Variants in ULK4 observed in about 807,000 individuals in gnomAD.
ULK4 encodes unc-51 like kinase 4, also known as inactive serine/threonine-protein kinase ULK4.
Under a neutral mutation model 160.6 loss-of-function variants are expected in ULK4, and 133 were observed. That is an observed-to-expected ratio of 0.83 (90% CI 0.72 to 0.96). ULK4 has a LOEUF of 0.96. Ranked by LOEUF, ULK4 falls within the 40% of genes least tolerant of loss-of-function variation. ULK4 has a pLI of 0.00. For synonymous variants in ULK4, 534 were observed against 539.8 expected (o/e 0.99, Z 0.15); for missense variants, 1,580 against 1,499.5 (o/e 1.05, Z -0.89).
At chr3:41,443,985 C>T (rs993794184) in intron 34 of ULK4, among the ~76,000 whole-genome samples, 4 of 151,962 alleles carry the variant, frequency 2.6e-5, no homozygotes, top group Middle Eastern at 3.4e-3. Flanking sequence ...GTTTTCAGTA[C>T]TAAAAATAAT....
rs566025486 is a variant in ULK4, at chr3:41,749,399, C to T, written c.2321+4962G>A. Reference sequence around the variant, plus strand: ...TCAGGAGGCTGAGGCAGGAGAATCACTTGAATCTGGGAGGCAGAGGCTGCA... The same window carrying T: ...TCAGGAGGCTGAGGCAGGAGAATCATTTGAATCTGGGAGGCAGAGGCTGCA... On this transcript the variant is annotated intron_variant, in intron 22 of 36. Transcript: ENST00000301831. 3.3e-5 allele frequency among the ~76,000 whole-genome samples: 5 copies of T among 152,200 alleles called. No individual in the cohort carries two copies. The South Asian group carries it at 6.2e-4, about 19-fold the overall frequency.
intron 35 of ULK4, among the ~76,000 whole-genome samples, chr3:41,371,034 T>A (rs1403378654): frequency 6.6e-6 from 1 of 152,140 alleles, no homozygotes; most frequent in Non-Finnish European, 1.5e-5. Context: ...GCCTGGAAGT[T>A]TGAACTGGGC....
At chr3:41,626,829 A>C (rs1292139441) in intron 30 of ULK4, among the ~76,000 whole-genome samples, 1 of 152,138 alleles carries the variant, frequency 6.6e-6, no homozygotes, top group African/African-American at 2.4e-5. Context: ...CCTGGCCAAA[A>C]GTACACTTGC....
At chr3:41,916,137 A>C in intron 7 of ULK4, 85 bp from the exon 8 acceptor site, 1 of 839,194 alleles carries the variant, frequency 1.2e-6, no homozygotes, top group South Asian at 1.8e-5. Context: ...CAACATTTAA[A>C]GCAATAGTAT....
intron 17 of ULK4, among the ~76,000 whole-genome samples, chr3:41,844,841 C>T (rs1373692334): frequency 2.0e-5 from 3 of 151,686 alleles, no homozygotes; most frequent in Non-Finnish European, 2.9e-5. Context: ...TACCACAGGA[C>T]CCAGCAATTG....
At chr3:41,502,568 A>G (rs532251346) in intron 32 of ULK4, among the ~76,000 whole-genome samples, 25 of 152,370 alleles carry the variant, frequency 1.6e-4, no homozygotes, top group African/African-American at 5.8e-4. Context: ...CAGCTGGGAA[A>G]TTAATAAACA....
At chr3:41,569,620 A>G (rs1249812683) in intron 31 of ULK4, among the ~76,000 whole-genome samples, 3 of 152,166 alleles carry the variant, frequency 2.0e-5, no homozygotes, top group African/African-American at 7.2e-5. Flanking sequence ...ACATATTGTA[A>G]TAAAATCCTA....
At chr3:41,371,650 T>C (rs9844399) in intron 35 of ULK4, among the ~76,000 whole-genome samples, 40,874 of 152,006 alleles carry the variant, frequency 0.27, 5,748 homozygotes, top group Middle Eastern at 0.36. Context: ...AGGTCACCAA[T>C]AGCAAAGACC....
intron 22 of ULK4, among the ~76,000 whole-genome samples, chr3:41,732,660 A>C (rs6770933): frequency 6.6e-6 from 1 of 152,096 alleles, no homozygotes; most frequent in Admixed American, 6.5e-5. Flanking sequence ...AAAGGAATAC[A>C]TGCACTCCCA....
chr3:41,455,514 T>C lies in ULK4; in HGVS notation c.3475A>G (p.Ser1159Gly). 1 of 1,614,040 alleles carries C rather than the reference T, an allele frequency of 6.2e-7. No homozygotes were observed. ...GCTCTTACCAGTGGAATGAGCAGGC[T>C]AATCAGGTCTGTCAGAGGTCTGTTG... Reference protein sequence around the residue: ...LLNRPLTDLISLLIPLLPNED... With the variant: ...LLNRPLTDLIGLLIPLLPNED... Residue 1159 changes from serine (S) to glycine (G), a missense_variant, in exon 34 of 37, where the codon AGC becomes GGC. Transcript: ENST00000301831.
At chr3:41,660,388 A>T (rs2125756466) in intron 30 of ULK4, among the ~76,000 whole-genome samples, 1 of 152,358 alleles carries the variant, frequency 6.6e-6, no homozygotes, top group East Asian at 1.9e-4. Flanking sequence ...CCATAGGGGA[A>T]GATGAGGAAA....
chr3:41,443,578 C>T (rs1017546851), intron 34 of ULK4, among the ~76,000 whole-genome samples: 1 of 152,104 alleles, frequency 6.6e-6, no homozygotes, highest in Middle Eastern at 3.4e-3. Context: ...TAATTACTTC[C>T]AGTTAACATA....
chr3:41,947,532 C>T (rs1190552450), intron 2 of ULK4, among the ~76,000 whole-genome samples: 1 of 152,134 alleles, frequency 6.6e-6, no homozygotes, highest in Non-Finnish European at 1.5e-5. Flanking sequence ...GCATTGGTAC[C>T]ATGATCCAAC....
intron 21 of ULK4, among the ~76,000 whole-genome samples, chr3:41,773,640 T>C (rs1164146512): frequency 2.6e-5 from 4 of 152,126 alleles, no homozygotes; most frequent in Non-Finnish European, 5.9e-5. Context: ...AAAAGGGCCA[T>C]ACTGCCCAAG....
intron 30 of ULK4, among the ~76,000 whole-genome samples, chr3:41,630,706 C>G (rs1001576889): frequency 7.2e-5 from 11 of 152,182 alleles, no homozygotes; most frequent in Admixed American, 3.9e-4. Flanking sequence ...GGCCATCTTG[C>G]AGTTCTGCCT....
intron 27 of ULK4, among the ~76,000 whole-genome samples, chr3:41,686,292 C>G (rs992233897): frequency 6.6e-6 from 1 of 152,044 alleles, no homozygotes; most frequent in African/African-American, 2.4e-5. Flanking sequence ...TGTATATACA[C>G]AAATATAAAA....
intron 32 of ULK4, among the ~76,000 whole-genome samples, chr3:41,548,605 GCCA>G (rs1263352260): frequency 2.6e-5 from 4 of 151,980 alleles, no homozygotes; most frequent in South Asian, 2.1e-4. Flanking sequence ...CAGTTGGCTC[GCCA>G]CCACAATGCC....
intron 30 of ULK4, among the ~76,000 whole-genome samples, chr3:41,626,752 T>C (rs1286495328): frequency 6.7e-6 from 1 of 150,154 alleles, no homozygotes; most frequent in African/African-American, 2.5e-5. Context: ...GGTCTCGATC[T>C]CCTAACCTCG....
At chr3:41,631,782 T>C (rs1005712083) in intron 30 of ULK4, among the ~76,000 whole-genome samples, 1 of 151,894 alleles carries the variant, frequency 6.6e-6, no homozygotes, top group African/African-American at 2.4e-5. Context: ...CTCCATACAG[T>C]GTGCAGGACT....
Sources: allele counts gnomAD v4.1 joint callset (sites outside exome capture counted in the v4.1 genomes callset), GRCh38; gene constraint gnomAD v4.1.1; transcripts MANE v1.5; gene names NCBI Gene and HGNC (gene_info 2026-07-23, HGNC 2026-07-21).